ACTR10: variants seen among roughly 807,000 people sequenced by gnomAD.
ACTR10 encodes the protein actin related protein 10.
In ACTR10, 43 loss-of-function variants were observed where a neutral mutation model predicts 56.2. The ratio of observed to expected loss-of-function variants is 0.77; its 90% CI spans 0.60 to 0.99. ACTR10 has a LOEUF of 0.99. Among genes scored for constraint, ACTR10 ranks in the 50% least tolerant of loss-of-function variants. The pLI is 0.00. For missense variants in ACTR10, 466 were observed against 507.8 expected (o/e 0.92, Z 0.79); for synonymous variants, 170 against 176.3 (o/e 0.96, Z 0.28).
chr14:58,234,399 C>A lies in ACTR10; in HGVS notation c.1102C>A (p.Leu368Ile). 6.2e-7 allele frequency: 1 copy of A among 1,604,734 alleles called. No homozygotes were observed. Among genetic ancestry groups the A allele is most frequent in the Non-Finnish European group, 8.5e-7 (1 of 1,174,502 alleles). ...TATTTTTGGAGCATTACAAGATATA[C>A]TTGGGAGCCGTTCTGTTTCAAAGGA... ...GAIFGALQDI[L>I]GSRSVSKEYY... The change falls in exon 13 of 13, where the codon CTT (leucine) becomes ATT (isoleucine). Residue 368 changes from leucine (L) to isoleucine (I), a missense_variant. Coordinates refer to ENST00000254286, the MANE Select transcript of ACTR10 (RefSeq NM_018477.3).
chr14:58,222,620 C>A (rs896139960), intron 8 of ACTR10, among the ~76,000 whole-genome samples: 1 of 152,030 alleles, frequency 6.6e-6, no homozygotes, highest in African/African-American at 2.4e-5. Flanking sequence ...CAAAAATTAG[C>A]TGGGCATGGT....
At chr14:58,211,087 A>G in intron 4 of ACTR10, 2 of 434,198 alleles carry the variant, frequency 4.6e-6, no homozygotes, top group South Asian at 2.9e-5. Context: ...TATTTTTATT[A>G]CAGTGTATTT....
Position 58,213,673 on chromosome 14 carries a change from C to T in ACTR10, c.493C>T (p.Pro165Ser), listed in dbSNP as rs1889057164. The T allele has an allele frequency of 1.2e-6, 2 of 1,612,494 alleles. No homozygotes were observed. Among genetic ancestry groups the T allele is most frequent in the Middle Eastern group, 3.3e-4 (2 of 6,054 alleles). Residue 165 changes from proline to serine, a missense_variant, in exon 6 of 13, where the codon CCC becomes TCC. Transcript: ENST00000254286. ...AGTTCTAAATTGTTGGGGAGCACTACCCCTAGGAGGAAAAGCTCTTCACAA... is the reference window on the plus strand; with the variant it reads ...AGTTCTAAATTGTTGGGGAGCACTATCCCTAGGAGGAAAAGCTCTTCACAA... ...IPVLNCWGALPLGGKALHKEL... is the reference protein window; with the variant it reads ...IPVLNCWGALSLGGKALHKEL...
At chr14:58,216,188 G>A (rs992974911) in intron 7 of ACTR10, among the ~76,000 whole-genome samples, 2 of 152,046 alleles carry the variant, frequency 1.3e-5, no homozygotes, top group South Asian at 2.1e-4. Context: ...GCAGTGGCGC[G>A]ATCTTGGCTC....
rs138804959 is a variant in ACTR10, at chr14:58,200,628, C to T, written c.77+334C>T. Among the ~76,000 whole-genome samples, 3 of 152,292 alleles carry T rather than the reference C, an allele frequency of 2.0e-5. No homozygotes were observed. In the East Asian group the frequency reaches 5.8e-4, roughly 29 times the overall value. On this transcript the variant is annotated intron_variant, in intron 1 of 12. Coordinates refer to ENST00000254286, the MANE Select transcript of ACTR10 (RefSeq NM_018477.3). ...CCTAGACCCCGCTTACCCTGGGCTC[C>T]TCAGTTGAGGAAGGCAGCCAACCGA...
rs771863189 is a variant in ACTR10, at chr14:58,234,427, A to G, written c.1130A>G (p.Tyr377Cys). Residue 377 changes from tyrosine to cysteine, a missense_variant, in exon 13 of 13, where the codon TAT (tyrosine) becomes TGT (cysteine). Transcript: ENST00000254286. ...ILGSRSVSKE[Y>C]YNQTGRIPDW... Reference sequence around the variant, plus strand: ...GGGAGCCGTTCTGTTTCAAAGGAATATTATAATCAGACGGGCCGTATACCT... The same window carrying G: ...GGGAGCCGTTCTGTTTCAAAGGAATGTTATAATCAGACGGGCCGTATACCT... The G allele has an allele frequency of 1.2e-6, 2 of 1,613,216 alleles. No individual in the cohort carries two copies. The highest frequency in any genetic ancestry group is 4.5e-5 in the East Asian group (2 of 44,846).
At chr14:58,227,910 T>C (rs953963988) in intron 10 of ACTR10, among the ~76,000 whole-genome samples, 2 of 152,184 alleles carry the variant, frequency 1.3e-5, no homozygotes, top group Non-Finnish European at 2.9e-5. Flanking sequence ...CTGAAAATAG[T>C]GGCTTCAACA....
At chr14:58,215,691 C>T (rs574625611) in intron 7 of ACTR10, among the ~76,000 whole-genome samples, 1 of 151,964 alleles carries the variant, frequency 6.6e-6, no homozygotes, top group Non-Finnish European at 1.5e-5. Flanking sequence ...TATCTACTCC[C>T]ACAACTTCTA....
At chr14:58,213,551 A>C in intron 5 of ACTR10, 80 bp from the exon 6 acceptor site, 1 of 820,048 alleles carries the variant, frequency 1.2e-6, no homozygotes. Context: ...TATTTAGAAC[A>C]GTACTGCAGA....
intron 2 of ACTR10, among the ~76,000 whole-genome samples, chr14:58,206,030 C>T (rs547623979): frequency 3.2e-4 from 48 of 150,844 alleles, no homozygotes; most frequent in African/African-American, 1.1e-3. Context: ...TCAAAAAAAA[C>T]GGGGGCGGGG....
intron 7 of ACTR10, among the ~76,000 whole-genome samples, chr14:58,218,197 G>A (rs2140054040): frequency 6.6e-6 from 1 of 152,308 alleles, no homozygotes; most frequent in East Asian, 1.9e-4. Context: ...CATTGAAGTT[G>A]TGGAATGCTG....
chr14:58,215,218 C>G lies in ACTR10; in HGVS notation c.532C>G (p.Gln178Glu), dbSNP rs1889104719. The part of the protein sequence containing the change: ...GKALHKELET[Q>E]LLEQCTVDTS... Reference sequence around the variant, plus strand: ...TTTTAATTTCAGAGAGTTGGAAACTCAACTATTGGAACAATGTACTGTTGA... The same window carrying G: ...TTTTAATTTCAGAGAGTTGGAAACTGAACTATTGGAACAATGTACTGTTGA... The change falls in exon 7 of 13, where the codon CAA becomes GAA. Residue 178 changes from glutamine to glutamate, a missense_variant. Physicochemically the swap from Gln to Glu is conservative, Grantham distance 29 (BLOSUM62 2). Coordinates refer to ENST00000254286, the MANE Select transcript of ACTR10 (RefSeq NM_018477.3). 6.3e-7 allele frequency: 1 copy of G among 1,595,000 alleles called. No individual in the cohort carries two copies. Among genetic ancestry groups the G allele is most frequent in the Non-Finnish European group, 8.5e-7 (1 of 1,171,632 alleles).
chr14:58,233,955 T>A (rs140201990), intron 12 of ACTR10, among the ~76,000 whole-genome samples: 2,169 of 152,308 alleles, frequency 0.014, 24 homozygotes, highest in Non-Finnish European at 0.022. Flanking sequence ...GTATAGTATG[T>A]TAGGACATTA....
At position 58,213,700 on chromosome 14, in the gene ACTR10, T is replaced by G; in HGVS notation, c.518+2T>G. On this transcript the variant is annotated splice_donor_variant, in intron 6 of 12. Coordinates refer to ENST00000254286, the MANE Select transcript of ACTR10 (RefSeq NM_018477.3). LOFTEE classifies it high-confidence loss of function. ...CCTAGGAGGAAAAGCTCTTCACAAG[T>G]AAGTTTCTTGGAATTTAACATATTC... 6.2e-7 allele frequency: 1 copy of G among 1,608,982 alleles called. No homozygotes were observed. Among genetic ancestry groups the G allele is most frequent in the Non-Finnish European group, 8.5e-7 (1 of 1,177,152 alleles).
chr14:58,234,370 G>C lies in ACTR10; in HGVS notation c.1073G>C (p.Gly358Ala), dbSNP rs748625265. 2.6e-6 allele frequency: 4 copies of C among 1,537,852 alleles called. No homozygotes were observed. The African/African-American group carries it at 5.5e-5, about 21-fold the overall frequency. The part of the protein sequence containing the change: ...AKANCVAWLG[G>A]AIFGALQDIL... ...TATAAAAAATATTTTTGTCACACAG[G>C]GGCTATTTTTGGAGCATTACAAGAT... Residue 358 changes from glycine (G) to alanine (A), a missense_variant and splice_region_variant, in exon 13 of 13, where the codon GGG (glycine) becomes GCG (alanine). Gly to Ala is a moderately conservative substitution (Grantham distance 60). Transcript: ENST00000254286.
At chr14:58,231,250 C>T (rs540862148) in intron 11 of ACTR10, 9 of 179,786 alleles carry the variant, frequency 5.0e-5, no homozygotes, top group Non-Finnish European at 8.6e-5. Flanking sequence ...TGGGGTTTCT[C>T]CATGTTGGTC....
At chr14:58,226,307 T>TA (rs1158983826) in intron 10 of ACTR10, among the ~76,000 whole-genome samples, 1 of 150,914 alleles carries the variant, frequency 6.6e-6, no homozygotes, top group Non-Finnish European at 1.5e-5. Context: ...AGAGATAGAG[T>TA]CTCACTGTGC....
At chr14:58,203,013 T>A (rs1888764306) in intron 2 of ACTR10, 86 bp downstream of exon 2, 1 of 961,950 alleles carries the variant, frequency 1.0e-6, no homozygotes, top group South Asian at 1.5e-5. Context: ...ATTAAAACAG[T>A]ACTAAAGGCC....
chr14:58,205,600 C>G (rs200355352), intron 2 of ACTR10, among the ~76,000 whole-genome samples: 5 of 152,132 alleles, frequency 3.3e-5, no homozygotes, highest in Non-Finnish European at 7.4e-5. Context: ...CAGGTGTGAG[C>G]CACTGCGCTC....
Sources: allele counts gnomAD v4.1 joint callset (sites outside exome capture counted in the v4.1 genomes callset), GRCh38; gene constraint gnomAD v4.1.1; transcripts MANE v1.5; gene names NCBI Gene and HGNC (gene_info 2026-07-23, HGNC 2026-07-21).